LCN6: variants seen among roughly 807,000 people sequenced by gnomAD.
LCN6 encodes epididymal-specific lipocalin-6.
Under a neutral mutation model 21.4 loss-of-function variants are expected in LCN6, and 20 were observed. That is an observed-to-expected ratio of 0.93 (90% CI 0.66 to 1.36). The LOEUF (loss-of-function observed/expected upper bound fraction) is 1.36, where lower values mean the gene tolerates loss of function less well. Among genes scored for constraint, LCN6 ranks in the 40% most tolerant of loss-of-function variants. LCN6 has a pLI of 0.00. For synonymous variants in LCN6, 96 were observed against 89.0 expected (o/e 1.08, Z -0.44); for missense variants, 217 against 206.6 (o/e 1.05, Z -0.31).
intron 1 of LCN6, 108 bp downstream of exon 1, chr9:136,748,286 C>T (rs1251072311): frequency 1.0e-6 from 1 of 956,332 alleles, no homozygotes; most frequent in Non-Finnish European, 1.6e-6. Context: ...TAATTCCCCA[C>T]TGCTCATGCT....
intron 1 of LCN6, 41 bp from the exon 2 acceptor site, chr9:136,747,604 GCCTCCAGCCTCCAGCCTCCAAC>G (rs1329174257): frequency 1.3e-6 from 2 of 1,586,784 alleles, no homozygotes; most frequent in Admixed American, 1.7e-5. Context: ...CAGCCCTCCA[GCCTCCAGCCTCCAGCCTCCAAC>G]CCTCCAGCCT....
At chr9:136,747,307 A>G in intron 2 of LCN6, 117 bp downstream of exon 2, 1 of 1,171,966 alleles carries the variant, frequency 8.5e-7, no homozygotes, top group East Asian at 2.4e-5. Flanking sequence ...ACGGGGGTGC[A>G]GAGGGGCCGT....
Position 136,746,920 on chromosome 9 carries a change from C to G in LCN6, c.230+504G>C, listed in dbSNP as rs930673513. 7 of 153,686 alleles carry G rather than the reference C, an allele frequency of 4.6e-5. 1 individual carries two copies. The highest frequency in any genetic ancestry group is 3.9e-4 in the Admixed American group (6 of 15,454). 9.5% of individuals were successfully genotyped at this position (153,686 alleles called of 1,614,324 possible). On this transcript the variant is annotated intron_variant, in intron 2 of 6. Coordinates refer to ENST00000341206, the MANE Select transcript of LCN6 (RefSeq NM_198946.3). Reference sequence around the variant, plus strand: ...CCCCACAGCCTGGCCCACCCGACCCCTGCACGCCGCCACCAGCCATGCATG... The same window carrying G: ...CCCCACAGCCTGGCCCACCCGACCCGTGCACGCCGCCACCAGCCATGCATG...
In LCN6 at chr9:136,744,459, C is replaced by T; in HGVS notation, c.*23-95G>A. The T allele has an allele frequency of 1.9e-6, 1 of 518,188 alleles. No individual in the cohort carries two copies. The highest frequency in any genetic ancestry group is 3.0e-5 in the Admixed American group (1 of 33,082). The allele number at this position is 518,188 out of a possible 1,614,324, so 32.1% of individuals were successfully genotyped here. On this transcript the variant is annotated intron_variant, in intron 5 of 6. Transcript: ENST00000341206. The surrounding 1 kb of genome is among the most constrained non-coding windows in gnomAD (Gnocchi z 4.2). ...AGACTCGCCTGCCGTGGGGACAAGA[C>T]CCCCAGGCCTGACTTTGGGCAGGGG...
At chr9:136,746,600 G>T (rs561057144) in intron 2 of LCN6, among the ~76,000 whole-genome samples, 1 of 151,394 alleles carries the variant, frequency 6.6e-6, no homozygotes, top group Non-Finnish European at 1.5e-5. Context: ...GTCCCAGCTC[G>T]CCCTGAGGCC....
In LCN6 at chr9:136,744,627, G is replaced by C. The variant is rs995261261; in HGVS notation, c.*22+13C>G. On this transcript the variant is annotated intron_variant, in intron 5 of 6. Transcript: ENST00000341206. This position sits in a 1 kb window ranked among gnomAD's most constrained non-coding sequence, Gnocchi z 4.2. The stretch of plus-strand genomic sequence containing the variant: ...CCCAAGCCTCCCCCGAGGCTGCTCC[G>C]GTGGACACTCACGGTCCTTCTGCAG... 6.4e-7 allele frequency: 1 copy of C among 1,553,430 alleles called. No homozygotes were observed. Among genetic ancestry groups the C allele is most frequent in the Non-Finnish European group, 8.8e-7 (1 of 1,131,326 alleles).
chr9:136,746,162 A>T, intron 2 of LCN6: 2 of 421,546 alleles, frequency 4.7e-6, no homozygotes, highest in East Asian at 4.7e-5. Context: ...GGAACGCTGA[A>T]TGCTGCTGAG....
chr9:136,745,782 A>C, intron 3 of LCN6, 62 bp downstream of exon 3: 1 of 1,458,170 alleles, frequency 6.9e-7, no homozygotes, highest in Non-Finnish European at 9.6e-7. Context: ...CCCTGCCCGC[A>C]GGGGGCCTGG....
At position 136,744,792 on chromosome 9, in the gene LCN6, G is replaced by A. The variant is rs1847012300; in HGVS notation, c.413-51C>T. ...GGAAGCAACCTCTGAGAGCTGGGGA[G>A]GGGCCGGGGAGGGGCTGGGAAGGGT... On this transcript the variant is annotated intron_variant, in intron 4 of 6. Transcript: ENST00000341206. The surrounding 1 kb of genome is among the most constrained non-coding windows in gnomAD (Gnocchi z 4.2). 1.5e-6 allele frequency: 2 copies of A among 1,340,608 alleles called. No homozygotes were observed. The highest frequency in any genetic ancestry group is 1.4e-5 in the African/African-American group (1 of 69,698). The allele number at this position is 1,340,608 out of a possible 1,614,324, so 83.0% of individuals were successfully genotyped here. A position where few individuals can be genotyped will look rare whatever the true frequency, so the allele number is the denominator to read the frequency against.
At chr9:136,746,510 G>A (rs979376167) in intron 2 of LCN6, among the ~76,000 whole-genome samples, 23 of 152,158 alleles carry the variant, frequency 1.5e-4, no homozygotes, top group African/African-American at 5.1e-4. Flanking sequence ...AGGAAACTGA[G>A]GCTGAGTCCA....
chr9:136,747,075 C>G (rs999946319), intron 2 of LCN6: 2 of 237,404 alleles, frequency 8.4e-6, no homozygotes, highest in African/African-American at 4.5e-5. Context: ...CTCCTTTAAA[C>G]AGAATTCCCG....
chr9:136,744,624 T>G lies in LCN6; in HGVS notation c.*22+16A>C, dbSNP rs766541023. 6.5e-7 allele frequency: 1 copy of G among 1,540,428 alleles called. No individual in the cohort carries two copies. Among genetic ancestry groups the G allele is most frequent in the Admixed American group, 1.7e-5 (1 of 57,528 alleles). On this transcript the variant is annotated intron_variant, in intron 5 of 6. Coordinates refer to ENST00000341206, the MANE Select transcript of LCN6 (RefSeq NM_198946.3). The surrounding 1 kb of genome is among the most constrained non-coding windows in gnomAD (Gnocchi z 4.2). Reference sequence around the variant, plus strand: ...TGCCCCAAGCCTCCCCCGAGGCTGCTCCGGTGGACACTCACGGTCCTTCTG... The same window carrying G: ...TGCCCCAAGCCTCCCCCGAGGCTGCGCCGGTGGACACTCACGGTCCTTCTG...
rs374269430 is a variant in LCN6, at chr9:136,745,838, A to G, written c.301+6T>C. 7 of 1,612,702 alleles carry G rather than the reference A, an allele frequency of 4.3e-6. No homozygotes were observed. The highest frequency in any genetic ancestry group is 5.9e-6 in the Non-Finnish European group (7 of 1,179,140). On this transcript the variant is annotated splice_donor_region_variant and intron_variant, in intron 3 of 6. Transcript: ENST00000341206. ...GCCTGGGTGAGGCCGTGGCCGTCAG[A>G]CTCACAGGGATTCTCAAACACCCAT...
At chr9:136,747,617 AGCC>A (rs1847060091) in intron 1 of LCN6, 54 bp from the exon 2 acceptor site, 1 of 1,543,284 alleles carries the variant, frequency 6.5e-7, no homozygotes. Flanking sequence ...TCCAGCCTCC[AGCC>A]TCCAACCCTC....
At chr9:136,745,592 C>G in intron 3 of LCN6, 1 of 595,610 alleles carries the variant, frequency 1.7e-6, no homozygotes, top group Non-Finnish European at 3.0e-6. Context: ...AGCCACTAAA[C>G]AGGCCCCTCG....
chr9:136,745,263 G>T lies in LCN6; in HGVS notation c.319C>A (p.Leu107Ile), dbSNP rs201224621. Reference protein sequence around the residue: ...FENPSIGVLELWVLATNFRDY... With the variant: ...FENPSIGVLEIWVLATNFRDY... The stretch of plus-strand genomic sequence containing the variant: ...CTGAAGTTGGTGGCCAGCACCCAGA[G>T]CTCCAGCACGCCTATTGCTAGGAAA... The change falls in exon 4 of 7, where the codon CTC (leucine) becomes ATC (isoleucine). Residue 107 changes from leucine (L) to isoleucine (I), a missense_variant. Physicochemically the swap from Leu to Ile is conservative, Grantham distance 5. Transcript: ENST00000341206. The T allele has an allele frequency of 2.7e-4, 428 of 1,612,948 alleles. No individual in the cohort carries two copies. The highest frequency in any genetic ancestry group is 6.6e-4 in the Middle Eastern group (4 of 6,062).
At chr9:136,746,583 C>T (rs781251260) in intron 2 of LCN6, among the ~76,000 whole-genome samples, 9 of 152,092 alleles carry the variant, frequency 5.9e-5, no homozygotes, top group Middle Eastern at 3.2e-3. Context: ...CAGCCTGGAG[C>T]CCCTTGGTCC....
chr9:136,744,806 G>T lies in LCN6; in HGVS notation c.413-65C>A, dbSNP rs1450063128. ...AGAGCTGGGGAGGGGCCGGGGAGGGGCTGGGAAGGGTCAGGAAGGAGGCCA... is the reference window on the plus strand; with the variant it reads ...AGAGCTGGGGAGGGGCCGGGGAGGGTCTGGGAAGGGTCAGGAAGGAGGCCA... On this transcript the variant is annotated intron_variant, in intron 4 of 6. Coordinates refer to ENST00000341206, the MANE Select transcript of LCN6 (RefSeq NM_198946.3). The surrounding 1 kb of genome is among the most constrained non-coding windows in gnomAD (Gnocchi z 4.2). The T allele has an allele frequency of 2.6e-6, 3 of 1,173,172 alleles. No homozygotes were observed. Among genetic ancestry groups the T allele is most frequent in the African/African-American group, 1.5e-5 (1 of 66,338 alleles). 72.7% of individuals were successfully genotyped at this position (1,173,172 alleles called of 1,614,324 possible). A position where few individuals can be genotyped will look rare whatever the true frequency, so the allele number is the denominator to read the frequency against.
rs1847047872 is a variant in LCN6, at chr9:136,747,047, A to T, written c.230+377T>A. On this transcript the variant is annotated intron_variant, in intron 2 of 6. Transcript: ENST00000341206. The stretch of plus-strand genomic sequence containing the variant: ...TGTTATGAAAGAACCAGTGGTTCTT[A>T]GGTCCGAATGCATTATCCTCCTTTA... 1.7e-5 allele frequency: 3 copies of T among 180,624 alleles called. No individual in the cohort carries two copies. The South Asian group carries it at 4.9e-4, about 30-fold the overall frequency. The allele number at this position is 180,624 out of a possible 1,614,324, so 11.2% of individuals were successfully genotyped here.
Sources: gnomAD v4.1 joint callset for allele counts (sites outside exome capture counted in the v4.1 genomes callset) on GRCh38, gnomAD v4.1.1 for gene constraint, Gnocchi (gnomAD v3.1) non-coding constraint, MANE v1.5 for transcripts, NCBI Gene and HGNC (gene_info 2026-07-23, HGNC 2026-07-21) for gene names.